The following BAG4 variants were observed in gnomAD, a reference collection of about 807,000 sequenced individuals.
BAG4 encodes the protein BAG family molecular chaperone regulator 4.
BAG4 carries 28 observed loss-of-function variants against 52.1 expected under a neutral mutation model. That is an observed-to-expected ratio of 0.54 (90% CI 0.40 to 0.74). The LOEUF is 0.74. BAG4 is among the 30% of genes least tolerant of loss of function. The probability of loss-of-function intolerance (pLI) is 0.00; values close to 1 mark genes in which losing one functional copy is unlikely to be tolerated. For missense variants in BAG4, 525 were observed against 572.0 expected (o/e 0.92, Z 0.84); for synonymous variants, 208 against 217.0 (o/e 0.96, Z 0.37).
chr8:38,201,881 T>TATA (rs1377664608), intron 2 of BAG4: 1 of 3,836 alleles, frequency 2.6e-4, no homozygotes, highest in South Asian at 0.019. Context: ...TATATATATA[T>TATA]TTTTTTTTTT....
intron 1 of BAG4, among the ~76,000 whole-genome samples, chr8:38,178,766 A>G (rs1319778703): frequency 2.0e-5 from 3 of 152,216 alleles, no homozygotes; most frequent in Non-Finnish European, 2.9e-5. Context: ...ATCTAGAGAC[A>G]GAAAGCTTAA....
Position 38,183,136 on chromosome 8 carries a change from C to A in BAG4, c.270+5997C>A, listed in dbSNP as rs1226607652. Among the ~76,000 whole-genome samples, 8 of 151,622 alleles carry A rather than the reference C, an allele frequency of 5.3e-5. No individual in the cohort carries two copies. In the East Asian group the frequency reaches 1.6e-3, roughly 29 times the overall value. On this transcript the variant is annotated intron_variant, in intron 1 of 4. Coordinates refer to ENST00000287322, the MANE Select transcript of BAG4 (RefSeq NM_004874.4). ...CTCGGCTCACTGCAAGCTCCGCCTCCCGGGTTCATGCCATTCTCCCACTTC... is the reference window on the plus strand; with the variant it reads ...CTCGGCTCACTGCAAGCTCCGCCTCACGGGTTCATGCCATTCTCCCACTTC...
chr8:38,192,590 G>C (rs1803494271), intron 1 of BAG4, 98 bp from the exon 2 acceptor site: 1 of 967,466 alleles, frequency 1.0e-6, no homozygotes, highest in Non-Finnish European at 1.5e-6. Flanking sequence ...TTTGTCTATT[G>C]CTTTTTTTTT....
intron 1 of BAG4, among the ~76,000 whole-genome samples, chr8:38,182,987 A>AACCACC (rs111353274): frequency 1.3e-5 from 2 of 149,052 alleles, no homozygotes; most frequent in Non-Finnish European, 3.0e-5. Context: ...ACAATTACAT[A>AACCACC]ACCACCACCA....
intron 3 of BAG4, among the ~76,000 whole-genome samples, chr8:38,208,458 C>T (rs1464056414): frequency 4.0e-5 from 6 of 150,106 alleles, no homozygotes; most frequent in Non-Finnish European, 4.4e-5. Flanking sequence ...TACAAGCGCC[C>T]GCCACCGCGC....
intron 2 of BAG4, among the ~76,000 whole-genome samples, chr8:38,198,416 T>C (rs1027322259): frequency 2.7e-5 from 4 of 150,912 alleles, no homozygotes; most frequent in African/African-American, 7.3e-5. Flanking sequence ...CTTTCTTTTT[T>C]TTTTTAATTT....
At chr8:38,207,877 G>T in intron 3 of BAG4, 111 bp downstream of exon 3, 1 of 1,341,826 alleles carries the variant, frequency 7.5e-7, no homozygotes, top group Non-Finnish European at 1.0e-6. Context: ...CTTCTAGATT[G>T]GGAAGGCTTT....
In BAG4 at chr8:38,211,436, T is replaced by G. The variant is rs1585670338; in HGVS notation, c.*943T>G. On this transcript the variant is annotated 3_prime_UTR_variant, in exon 5 of 5. Coordinates refer to ENST00000287322, the MANE Select transcript of BAG4 (RefSeq NM_004874.4). ...ATTGCTGCTTCTATAGAGGGCATTG[T>G]GATAGAGAGTTACAGATGAAACATT... The G allele has an allele frequency of 6.6e-6, 1 of 151,460 alleles. No individual in the cohort carries two copies. The highest frequency in any genetic ancestry group is 2.1e-4 in the South Asian group (1 of 4,800). 9.4% of individuals were successfully genotyped at this position (151,460 alleles called of 1,614,324 possible). A position where few individuals can be genotyped will look rare whatever the true frequency, so the allele number is the denominator to read the frequency against.
At chr8:38,190,921 C>T (rs920310174) in intron 1 of BAG4, among the ~76,000 whole-genome samples, 2 of 151,966 alleles carry the variant, frequency 1.3e-5, no homozygotes, top group Non-Finnish European at 2.9e-5. Flanking sequence ...CCACACCCAG[C>T]TAATTTTTGT....
chr8:38,185,951 C>CT (rs1362175701), intron 1 of BAG4, among the ~76,000 whole-genome samples: 1 of 152,276 alleles, frequency 6.6e-6, no homozygotes, highest in Non-Finnish European at 1.5e-5. Flanking sequence ...TCCATCCCTC[C>CT]TTTTTTGCAG....
At chr8:38,184,739 T>G (rs1585652251) in intron 1 of BAG4, among the ~76,000 whole-genome samples, 1 of 152,012 alleles carries the variant, frequency 6.6e-6, no homozygotes, top group African/African-American at 2.4e-5. Context: ...GCAAGCAAGC[T>G]GGGGAGGGAG....
intron 3 of BAG4, 28 bp downstream of exon 3, chr8:38,207,794 T>G: frequency 6.2e-7 from 1 of 1,611,736 alleles, no homozygotes; most frequent in Non-Finnish European, 8.5e-7. Context: ...GGGAAAAAAA[T>G]GAATTCAAAG....
intron 2 of BAG4, among the ~76,000 whole-genome samples, chr8:38,196,764 T>C (rs1803567387): frequency 6.6e-6 from 1 of 151,740 alleles, no homozygotes; most frequent in African/African-American, 2.4e-5. Context: ...TTGTATATCT[T>C]GTTTGGAGAA....
At chr8:38,209,570 G>A in intron 4 of BAG4, 1 of 416,888 alleles carries the variant, frequency 2.4e-6, no homozygotes, top group Non-Finnish European at 4.3e-6. Flanking sequence ...AATAATCTAT[G>A]AACAGAAGAC....
intron 2 of BAG4, among the ~76,000 whole-genome samples, chr8:38,199,488 G>A (rs1210500003): frequency 6.6e-6 from 1 of 150,690 alleles, no homozygotes; most frequent in Non-Finnish European, 1.5e-5. Context: ...AGAAGACTTT[G>A]ACTAACCAAA....
intron 2 of BAG4, among the ~76,000 whole-genome samples, 161 bp from the exon 3 acceptor site, chr8:38,207,351 C>T (rs1803787462): frequency 6.6e-6 from 1 of 152,086 alleles, no homozygotes; most frequent in Non-Finnish European, 1.5e-5. Flanking sequence ...ATTCTCCCAC[C>T]TTGGGCTCCC....
intron 1 of BAG4, among the ~76,000 whole-genome samples, chr8:38,186,418 G>A (rs1803367606): frequency 6.6e-6 from 1 of 152,166 alleles, no homozygotes; most frequent in African/African-American, 2.4e-5. Context: ...AAAACAGGTA[G>A]CTCCTAATCT....
intron 2 of BAG4, among the ~76,000 whole-genome samples, chr8:38,200,767 T>A (rs1447478314): frequency 2.0e-5 from 3 of 152,030 alleles, no homozygotes; most frequent in African/African-American, 7.2e-5. Context: ...CCCGGCTAAT[T>A]TTGTATTTTT....
intron 2 of BAG4, among the ~76,000 whole-genome samples, chr8:38,195,699 C>A (rs1274643873): frequency 6.6e-6 from 1 of 152,184 alleles, no homozygotes; most frequent in East Asian, 1.9e-4. Context: ...TTACTTGTGT[C>A]AGCCTCATCC....
Sources: gnomAD v4.1 joint callset for allele counts (sites outside exome capture counted in the v4.1 genomes callset) on GRCh38, gnomAD v4.1.1 for gene constraint, MANE v1.5 for transcripts, NCBI Gene and HGNC (gene_info 2026-07-23, HGNC 2026-07-21) for gene names.